Variants in ATR observed in about 807,000 individuals in gnomAD.
ATR encodes ATR checkpoint kinase, also known as serine/threonine-protein kinase ATR.
Under a neutral mutation model 305.3 loss-of-function variants are expected in ATR, and 142 were observed. The ratio of observed to expected loss-of-function variants is 0.47; its 90% CI spans 0.41 to 0.53. ATR has a LOEUF of 0.53. Among genes scored for constraint, ATR ranks in the 20% least tolerant of loss-of-function variants. The probability of loss-of-function intolerance (pLI) is 0.00; values close to 1 mark genes in which losing one functional copy is unlikely to be tolerated. For missense variants in ATR, 2,135 were observed against 3,133.1 expected, an observed-to-expected ratio of 0.68 and a Z score of 7.60; for synonymous variants, 1,050 against 1,068.1, an observed-to-expected ratio of 0.98 and a Z score of 0.33.
Position 142,553,668 on chromosome 3 carries a change from A to G in ATR, c.2605T>C (p.Leu869=). Residue 869 remains leucine (L), a synonymous_variant, in exon 12 of 47, where the codon TTG becomes CTG. Coordinates refer to ENST00000350721, the MANE Select transcript of ATR (RefSeq NM_001184.4). ...ISRNNELKDT[L]ILTTGDIGRA... is the part of the protein sequence containing the mutation. ...CCAATATCCCCTGTTGTAAGAATCA[A>G]GGTATCCTTCAGCTCATTATTTCTT... 6.2e-7 allele frequency: 1 copy of G among 1,611,304 alleles called. No homozygotes were observed. Among genetic ancestry groups the G allele is most frequent in the Non-Finnish European group, 8.5e-7 (1 of 1,177,662 alleles).
intron 4 of ATR, 61 bp downstream of exon 4, chr3:142,562,171 T>G: frequency 1.3e-6 from 2 of 1,540,678 alleles, no homozygotes; most frequent in South Asian, 2.3e-5. Context: ...TTTGCACATA[T>G]GTATACAATT....
chr3:142,496,331 T>TAG, intron 34 of ATR, 30 bp downstream of exon 34: 1 of 561,652 alleles, frequency 1.8e-6, no homozygotes, highest in Non-Finnish European at 3.1e-6. Flanking sequence ...TATATATATA[T>TAG]ATATATGATG....
chr3:142,496,596 A>C lies in ATR; in HGVS notation c.5739-76T>G. On this transcript the variant is annotated intron_variant, in intron 33 of 46. Transcript: ENST00000350721. ...CAACAACTTAACTTAAAACAATTTA[A>C]ATCTAGGTCATAAACTTTGCAAGTA... 2.0e-6 allele frequency: 3 copies of C among 1,490,558 alleles called. No homozygotes were observed. In the East Asian group the frequency reaches 7.0e-5, roughly 35 times the overall value. 92.3% of individuals were successfully genotyped at this position (1,490,558 alleles called of 1,614,324 possible).
intron 8 of ATR, among the ~76,000 whole-genome samples, chr3:142,558,205 G>A (rs1394168359): frequency 1.3e-5 from 2 of 151,826 alleles, no homozygotes; most frequent in Non-Finnish European, 2.9e-5. Context: ...AGTCTTAGAA[G>A]TCCTATATAG....
At chr3:142,494,693 G>A (rs2031483430) in intron 34 of ATR, among the ~76,000 whole-genome samples, 1 of 152,218 alleles carries the variant, frequency 6.6e-6, no homozygotes, top group Non-Finnish European at 1.5e-5. Flanking sequence ...AAGGGTTTTT[G>A]AGATGGTGAT....
At chr3:142,556,615 G>A (rs1160459352) in intron 8 of ATR, 40 bp from the exon 9 acceptor site, 2 of 1,582,800 alleles carry the variant, frequency 1.3e-6, no homozygotes, top group Non-Finnish European at 1.7e-6. Context: ...TTCTACTAAT[G>A]TTAATTTTAT....
At chr3:142,553,489 G>C (rs2108463483) in intron 12 of ATR, 91 bp from the exon 13 acceptor site, 1 of 1,471,432 alleles carries the variant, frequency 6.8e-7, no homozygotes, top group East Asian at 2.4e-5. Flanking sequence ...CAATATCCCA[G>C]AAACAAACGG....
rs760709704 is a variant in ATR, at chr3:142,470,077, G to A, written c.6319+9C>T. On this transcript the variant is annotated intron_variant, in intron 37 of 46. Coordinates refer to ENST00000350721, the MANE Select transcript of ATR (RefSeq NM_001184.4). ...TAGTCCTTTAAAACTTTTACGTGAA[G>A]AGTTATACCTTTTTCCCATTCATAT... 1.9e-6 allele frequency: 3 copies of A among 1,587,976 alleles called. No individual in the cohort carries two copies. In the Admixed American group the frequency reaches 5.0e-5, roughly 27 times the overall value.
Position 142,496,430 on chromosome 3 carries a change from A to G in ATR, c.5829T>C (p.Ala1943=). Residue 1943 remains alanine (A), a synonymous_variant, in exon 34 of 47, where the codon GCT becomes GCC. Transcript: ENST00000350721. ...KAGHHQTAYN[A]LLNAGESRLA... is the part of the protein sequence containing the mutation. ...GTCGTGATTCCCCTGCATTAAGGAG[A>G]GCATTGTAGGCTGTCTGGTGGTGAC... The G allele has an allele frequency of 6.2e-7, 1 of 1,610,262 alleles. No individual in the cohort carries two copies. The highest frequency in any genetic ancestry group is 8.5e-7 in the Non-Finnish European group (1 of 1,178,970).
At chr3:142,485,510 T>C (rs2030858233) in intron 35 of ATR, among the ~76,000 whole-genome samples, 1 of 152,176 alleles carries the variant, frequency 6.6e-6, no homozygotes. Context: ...CAACATGAAA[T>C]AGTGCTGGAA....
chr3:142,513,417 T>A, intron 26 of ATR, 84 bp downstream of exon 26: 1 of 1,506,338 alleles, frequency 6.6e-7, no homozygotes, highest in Non-Finnish European at 9.2e-7. Context: ...CATTTCCTAC[T>A]AATAGGTAGC....
Position 142,563,087 on chromosome 3 carries a change from C to G in ATR, c.315G>C (p.Thr105=). Residue 105 remains threonine, a synonymous_variant, in exon 4 of 47, where the codon ACG becomes ACC. Transcript: ENST00000350721. The part of the protein sequence containing the change: ...SCIEFSNWII[T]RLLRIAATPS... Reference sequence around the variant, plus strand: ...GAGTTGCTGCAATCCGCAGAAGTCTCGTTATGATCCAATTACTGAATTCTT... The same window carrying G: ...GAGTTGCTGCAATCCGCAGAAGTCTGGTTATGATCCAATTACTGAATTCTT... 6.2e-7 allele frequency: 1 copy of G among 1,602,544 alleles called. No individual in the cohort carries two copies.
At chr3:142,458,852 A>C (rs2070963995) in intron 44 of ATR, 106 bp downstream of exon 44, 1 of 1,299,268 alleles carries the variant, frequency 7.7e-7, no homozygotes, top group African/African-American at 1.5e-5. Context: ...GTATAACTCA[A>C]CTGTGAGTAT....
chr3:142,508,473 CATT>C (rs749647912), intron 27 of ATR, among the ~76,000 whole-genome samples: 2 of 152,204 alleles, frequency 1.3e-5, no homozygotes, highest in Non-Finnish European at 2.9e-5. Context: ...CAAGATTAGT[CATT>C]ATTTTTGATG....
intron 28 of ATR, among the ~76,000 whole-genome samples, chr3:142,506,966 T>C (rs1044014385): frequency 3.9e-5 from 6 of 152,200 alleles, no homozygotes; most frequent in Non-Finnish European, 8.8e-5. Context: ...CTGTGTAATT[T>C]TTCTCCAGCT....
intron 21 of ATR, 64 bp downstream of exon 21, chr3:142,535,016 A>T (rs374628115): frequency 2.4e-5 from 37 of 1,511,048 alleles, no homozygotes; most frequent in Middle Eastern, 2.3e-4. Flanking sequence ...TCATTTTGTC[A>T]TCTTTTCTTT....
chr3:142,543,479 A>C (rs1031793771), intron 16 of ATR, among the ~76,000 whole-genome samples: 31 of 84,686 alleles, frequency 3.7e-4, no homozygotes, highest in African/African-American at 5.6e-4. Flanking sequence ...CTTCCCTTCC[A>C]TTCCTCCCTC....
rs369120067 is a variant in ATR, at chr3:142,553,893, C to T, written c.2464G>A (p.Val822Met). The change falls in exon 11 of 47, where the codon GTG (valine) becomes ATG (methionine). Residue 822 changes from valine to methionine, a missense_variant. Coordinates refer to ENST00000350721, the MANE Select transcript of ATR (RefSeq NM_001184.4). Reference protein sequence around the residue: ...LMEDPDKDVRVAFSGNIKHIL... With the variant: ...LMEDPDKDVRMAFSGNIKHIL... Reference sequence around the variant, plus strand: ...TGCTTGATATTTCCACTAAAAGCCACTCTAACATCTTTGTCTGGATCTTCC... The same window carrying T: ...TGCTTGATATTTCCACTAAAAGCCATTCTAACATCTTTGTCTGGATCTTCC... 5.0e-6 allele frequency: 8 copies of T among 1,613,496 alleles called. No homozygotes were observed. In the Admixed American group the frequency reaches 5.0e-5, roughly 10 times the overall value.
At chr3:142,536,294 TC>T in intron 19 of ATR, 93 bp from the exon 20 acceptor site, 1 of 904,864 alleles carries the variant, frequency 1.1e-6, no homozygotes, top group Non-Finnish European at 1.8e-6. Flanking sequence ...CCAATTTAAT[TC>T]ATAATTAAAA....
Sources: allele counts gnomAD v4.1 joint callset (sites outside exome capture counted in the v4.1 genomes callset), GRCh38; gene constraint gnomAD v4.1.1; transcripts MANE v1.5; gene names NCBI Gene and HGNC (gene_info 2026-07-23, HGNC 2026-07-21).